The following MAMDC2 variants were observed in gnomAD, a reference collection of about 807,000 sequenced individuals.
The protein encoded by MAMDC2 is MAM domain containing 2.
Under a neutral mutation model 89.8 loss-of-function variants are expected in MAMDC2, and 57 were observed. The observed-to-expected ratio is 0.63, with a 90% CI of 0.51 to 0.79. MAMDC2 has a LOEUF of 0.79. MAMDC2 is among the 30% of genes least tolerant of loss of function. MAMDC2 has a pLI of 0.00. For synonymous variants in MAMDC2, 313 were observed against 293.4 expected (o/e 1.07, Z -0.68); for missense variants, 800 against 820.6 (o/e 0.97, Z 0.31).
chr9:70,044,615 C>T lies in MAMDC2; in HGVS notation c.66C>T (p.Pro22=), dbSNP rs199910536. The T allele has an allele frequency of 1.3e-6, 2 of 1,550,986 alleles. No homozygotes were observed. Among genetic ancestry groups the T allele is most frequent in the African/African-American group, 1.4e-5 (1 of 73,038 alleles). ...ALQLAGALDL[P]AGSCAFEEST... The stretch of plus-strand genomic sequence containing the variant: ...AGCTCGCCGGTGCCCTCGACCTGCC[C>T]GCTGGGTCCTGTGCCTTTGAAGAGA... Residue 22 remains proline, a synonymous_variant, in exon 2 of 14, where the codon CCC becomes CCT. Transcript: ENST00000377182.
intron 2 of MAMDC2, among the ~76,000 whole-genome samples, chr9:70,067,653 G>C (rs1262397026): frequency 6.6e-6 from 1 of 152,188 alleles, no homozygotes; most frequent in Admixed American, 6.5e-5. Context: ...TCATTGGCTG[G>C]TATGATCTTA....
chr9:70,141,661 A>G (rs192799800), intron 8 of MAMDC2, among the ~76,000 whole-genome samples: 19 of 152,348 alleles, frequency 1.2e-4, no homozygotes, highest in African/African-American at 4.3e-4. Flanking sequence ...CTTCATAAAA[A>G]CAATGAAGAC....
chr9:70,120,733 G>A (rs1448118927), intron 5 of MAMDC2, among the ~76,000 whole-genome samples: 1 of 152,288 alleles, frequency 6.6e-6, no homozygotes, highest in Admixed American at 6.5e-5. Flanking sequence ...GCACAGATAG[G>A]AGAAGTCTCA....
chr9:70,071,403 A>C (rs1007258634), intron 2 of MAMDC2, among the ~76,000 whole-genome samples: 29 of 152,290 alleles, frequency 1.9e-4, no homozygotes, highest in African/African-American at 5.1e-4. Context: ...AGCATGAATC[A>C]TAAGTCTAGG....
At chr9:70,210,489 G>C (rs1234052979) in intron 11 of MAMDC2, among the ~76,000 whole-genome samples, 1 of 152,124 alleles carries the variant, frequency 6.6e-6, no homozygotes, top group Admixed American at 6.5e-5. Flanking sequence ...TTGCTTGGTA[G>C]GTCTTCCTCC....
chr9:70,192,606 G>A (rs1296606909), intron 11 of MAMDC2, among the ~76,000 whole-genome samples: 1 of 152,040 alleles, frequency 6.6e-6, no homozygotes, highest in South Asian at 2.1e-4. Flanking sequence ...AGAGACCATG[G>A]AATTTTCTAC....
At chr9:70,090,486 A>AAG (rs1827871223) in intron 2 of MAMDC2, 1 of 150,848 alleles carries the variant, frequency 6.6e-6, no homozygotes, top group African/African-American at 2.4e-5. Context: ...TCTGTCTCAA[A>AAG]AAAAAAAAAA....
chr9:70,060,200 T>C (rs554955036), intron 2 of MAMDC2, among the ~76,000 whole-genome samples: 1 of 152,212 alleles, frequency 6.6e-6, no homozygotes, highest in African/African-American at 2.4e-5. Flanking sequence ...AAAGAATCCC[T>C]CTCACTTGTG....
At chr9:70,199,202 C>CCCCCCTA (rs1051565447) in intron 11 of MAMDC2, among the ~76,000 whole-genome samples, 2 of 22,124 alleles carry the variant, frequency 9.0e-5, no homozygotes, top group African/African-American at 1.1e-4. Context: ...TGCTATCCCT[C>CCCCCCTA]CCCCCACCCC....
chr9:70,135,784 T>C (rs192408455), intron 7 of MAMDC2, among the ~76,000 whole-genome samples: 3 of 152,294 alleles, frequency 2.0e-5, no homozygotes, highest in Admixed American at 1.3e-4. Flanking sequence ...GTATACTGTA[T>C]GGATTTGGAC....
chr9:70,115,771 C>A (rs755822916), intron 5 of MAMDC2, among the ~76,000 whole-genome samples: 1 of 152,142 alleles, frequency 6.6e-6, no homozygotes. Flanking sequence ...TGAATGATAA[C>A]CAGTCATGGC....
At chr9:70,210,333 T>C (rs1361520891) in intron 11 of MAMDC2, among the ~76,000 whole-genome samples, 1 of 152,204 alleles carries the variant, frequency 6.6e-6, no homozygotes, top group Admixed American at 6.5e-5. Context: ...ATTGGGTGCA[T>C]ATATATTTAG....
At chr9:70,215,356 CTAT>C (rs2033425669) in intron 11 of MAMDC2, among the ~76,000 whole-genome samples, 1 of 152,102 alleles carries the variant, frequency 6.6e-6, no homozygotes, top group South Asian at 2.1e-4. Flanking sequence ...GGTTTTTTTG[CTAT>C]TATTTTTGAG....
intron 11 of MAMDC2, among the ~76,000 whole-genome samples, chr9:70,171,293 G>A (rs983585268): frequency 6.6e-5 from 10 of 152,124 alleles, no homozygotes; most frequent in Admixed American, 6.5e-4. Context: ...GAGTCTAGGA[G>A]TTCAAGACCA....
intron 9 of MAMDC2, among the ~76,000 whole-genome samples, chr9:70,166,693 T>C (rs1237444074): frequency 1.3e-5 from 2 of 152,298 alleles, no homozygotes; most frequent in African/African-American, 4.8e-5. Flanking sequence ...TATAAAACAA[T>C]GCTATAGTAA....
chr9:70,224,210 C>T (rs565577777), intron 12 of MAMDC2, among the ~76,000 whole-genome samples: 22 of 42,870 alleles, frequency 5.1e-4, no homozygotes, highest in South Asian at 1.1e-3. Context: ...CCAGAGAAAC[C>T]GAACCAGTAA....
intron 11 of MAMDC2, chr9:70,216,269 A>T (rs946034137): frequency 1.3e-5 from 2 of 152,216 alleles, no homozygotes; most frequent in Admixed American, 1.3e-4. Flanking sequence ...TAGGTGGTTT[A>T]AACAACAGAA....
intron 9 of MAMDC2, among the ~76,000 whole-genome samples, chr9:70,146,803 C>A (rs540113464): frequency 6.6e-6 from 1 of 151,570 alleles, no homozygotes; most frequent in Non-Finnish European, 1.5e-5. Flanking sequence ...GGCATGGTGG[C>A]ACGTGCCTGT....
intron 2 of MAMDC2, among the ~76,000 whole-genome samples, chr9:70,057,530 C>T (rs1349353129): frequency 1.3e-5 from 2 of 152,052 alleles, no homozygotes; most frequent in South Asian, 2.1e-4. Context: ...TTTAATTAAC[C>T]CCTTTAATTT....
Sources: allele counts gnomAD v4.1 joint callset (sites outside exome capture counted in the v4.1 genomes callset), GRCh38; gene constraint gnomAD v4.1.1; transcripts MANE v1.5; gene names NCBI Gene and HGNC (gene_info 2026-07-23, HGNC 2026-07-21).